The following ALKBH8 variants were observed in gnomAD, a reference collection of about 807,000 sequenced individuals.
ALKBH8 encodes the protein tRNA (carboxymethyluridine(34)-5-O)-methyltransferase ALKBH8.
A neutral mutation model predicts 59.8 loss-of-function variants in ALKBH8; 36 were observed. That is an observed-to-expected ratio of 0.60 (90% confidence interval 0.46 to 0.79). ALKBH8 has a LOEUF of 0.79. Among genes scored for constraint, ALKBH8 ranks in the 30% least tolerant of loss-of-function variants. ALKBH8 has a pLI of 0.00. For synonymous variants in ALKBH8, 276 were observed against 273.6 expected (o/e 1.01, Z -0.09); for missense variants, 768 against 801.0 (o/e 0.96, Z 0.50).
chr11:107,510,248 C>T (rs1488703171), intron 11 of ALKBH8, among the ~76,000 whole-genome samples: 1 of 152,074 alleles, frequency 6.6e-6, no homozygotes, highest in Non-Finnish European at 1.5e-5. Flanking sequence ...TTGCATAAAT[C>T]AAGGGAATGA....
chr11:107,531,541 T>C (rs979593507), intron 8 of ALKBH8, among the ~76,000 whole-genome samples: 8 of 152,192 alleles, frequency 5.3e-5, no homozygotes, highest in Non-Finnish European at 8.8e-5. Context: ...TTAAACATAA[T>C]GTGGGATCAT....
At chr11:107,523,080 C>T (rs1301472555) in intron 9 of ALKBH8, among the ~76,000 whole-genome samples, 1 of 151,496 alleles carries the variant, frequency 6.6e-6, no homozygotes, top group Non-Finnish European at 1.5e-5. Context: ...AAAATAAGTA[C>T]TATCTTATAA....
chr11:107,528,615 G>A (rs2135516220), intron 8 of ALKBH8, among the ~76,000 whole-genome samples: 1 of 152,170 alleles, frequency 6.6e-6, no homozygotes, highest in Non-Finnish European at 1.5e-5. Context: ...TCTCTATTAT[G>A]GTTCTTTTAA....
intron 2 of ALKBH8, 69 bp downstream of exon 2, chr11:107,560,696 A>G: frequency 7.0e-7 from 1 of 1,419,010 alleles, no homozygotes; most frequent in Non-Finnish European, 9.5e-7. Flanking sequence ...AATTATTAGC[A>G]AATATTAATA....
intron 7 of ALKBH8, among the ~76,000 whole-genome samples, chr11:107,536,957 C>T (rs1863842299): frequency 6.6e-6 from 1 of 152,196 alleles, no homozygotes; most frequent in Admixed American, 6.5e-5. Context: ...AATGCACTGG[C>T]TGTGCATCAA....
intron 7 of ALKBH8, among the ~76,000 whole-genome samples, chr11:107,534,969 T>C (rs1863752366): frequency 6.6e-6 from 1 of 152,214 alleles, no homozygotes; most frequent in Non-Finnish European, 1.5e-5. Context: ...TGCATCCTCA[T>C]AGCTTAGCTC....
In ALKBH8 at chr11:107,525,432, T is replaced by C. The variant is rs12574614; in HGVS notation, c.1030+9A>G. ...CCATTTTACAGACGAGATAAGAGTA[T>C]ATACTTACTACAGTTACAAGGTGTT... On this transcript the variant is annotated intron_variant, in intron 9 of 11. Coordinates refer to ENST00000428149, the MANE Select transcript of ALKBH8 (RefSeq NM_138775.3). The C allele has an allele frequency of 0.29, 446,225 of 1,540,458 alleles. 68,065 individuals carry two copies. Among genetic ancestry groups the C allele is most frequent in the East Asian group, 0.49 (19,521 of 39,860 alleles).
At chr11:107,518,555 C>T (rs1862967244) in intron 10 of ALKBH8, among the ~76,000 whole-genome samples, 1 of 152,258 alleles carries the variant, frequency 6.6e-6, no homozygotes, top group African/African-American at 2.4e-5. Context: ...GCAACAAACA[C>T]CTGGCCCGCC....
chr11:107,520,097 T>C (rs754409424), intron 10 of ALKBH8, among the ~76,000 whole-genome samples: 6 of 152,164 alleles, frequency 3.9e-5, no homozygotes, highest in African/African-American at 7.2e-5. Flanking sequence ...GGTTGTCACA[T>C]TCCTCCAAGG....
chr11:107,538,193 C>T (rs1327137588), intron 7 of ALKBH8, among the ~76,000 whole-genome samples: 1 of 150,778 alleles, frequency 6.6e-6, no homozygotes, highest in African/African-American at 2.4e-5. Flanking sequence ...ATCTCTGAAA[C>T]TTATTTTGGC....
At chr11:107,507,028 A>G (rs1032273729) in intron 11 of ALKBH8, among the ~76,000 whole-genome samples, 1 of 152,128 alleles carries the variant, frequency 6.6e-6, no homozygotes, top group African/African-American at 2.4e-5. Flanking sequence ...AAGGTAGACT[A>G]TAATGTCAGA....
At chr11:107,529,512 CT>C (rs1394536291) in intron 8 of ALKBH8, among the ~76,000 whole-genome samples, 17 of 74,762 alleles carry the variant, frequency 2.3e-4, no homozygotes, top group South Asian at 1.7e-3. Flanking sequence ...TCTCCTACTT[CT>C]TTTTTTTTTG....
chr11:107,563,227 A>G (rs1865006154), intron 1 of ALKBH8, among the ~76,000 whole-genome samples: 1 of 152,272 alleles, frequency 6.6e-6, no homozygotes, highest in South Asian at 2.1e-4. Context: ...CTAACATTGC[A>G]TTAATTATAA....
chr11:107,523,423 G>A (rs550716696), intron 9 of ALKBH8, among the ~76,000 whole-genome samples: 1 of 152,066 alleles, frequency 6.6e-6, no homozygotes, highest in Non-Finnish European at 1.5e-5. Flanking sequence ...ACAGAATAGA[G>A]AGTAGTAGAA....
At chr11:107,561,635 A>G (rs1008709169) in intron 1 of ALKBH8, among the ~76,000 whole-genome samples, 2 of 152,344 alleles carry the variant, frequency 1.3e-5, no homozygotes, top group East Asian at 3.9e-4. Flanking sequence ...ATCAGCACCC[A>G]ATATCATGCT....
Position 107,504,783 on chromosome 11 carries a change from G to A in ALKBH8, c.1870C>T (p.His624Tyr). 6.4e-7 allele frequency: 1 copy of A among 1,552,022 alleles called. No homozygotes were observed. The highest frequency in any genetic ancestry group is 8.7e-7 in the Non-Finnish European group (1 of 1,147,040). The change falls in exon 12 of 12, where the codon CAT (histidine) becomes TAT (tyrosine). Residue 624 changes from histidine to tyrosine, a missense_variant. Physicochemically the swap from His to Tyr is moderately conservative, Grantham distance 83. Coordinates refer to ENST00000428149, the MANE Select transcript of ALKBH8 (RefSeq NM_138775.3). ...TCACGGAACACATGGTAGTAACGATGAAACACAGGACTTGGGTCCTGGGAT... is the reference window on the plus strand; with the variant it reads ...TCACGGAACACATGGTAGTAACGATAAAACACAGGACTTGGGTCCTGGGAT... ...IGSQDPSPVF[H>Y]RYYHVFREGE... is the part of the protein sequence containing the mutation.
intron 1 of ALKBH8, among the ~76,000 whole-genome samples, chr11:107,561,941 T>C (rs955258062): frequency 6.6e-6 from 1 of 152,218 alleles, no homozygotes; most frequent in African/African-American, 2.4e-5. Flanking sequence ...AATAAGACTA[T>C]GACACATCTT....
chr11:107,504,383 T>A lies in ALKBH8; in HGVS notation c.*275A>T, dbSNP rs1862287734. ...TATTATCTTCAAAATCCTGGGCTCT[T>A]ACCCAAGAATTACAAACACTGCACA... On this transcript the variant is annotated 3_prime_UTR_variant, in exon 12 of 12. Coordinates refer to ENST00000428149, the MANE Select transcript of ALKBH8 (RefSeq NM_138775.3). 5.1e-6 allele frequency: 3 copies of A among 583,302 alleles called. No individual in the cohort carries two copies. The highest frequency in any genetic ancestry group is 6.6e-5 in the Admixed American group (2 of 30,496). The allele number at this position is 583,302 out of a possible 1,614,324, so 36.1% of individuals were successfully genotyped here.
At chr11:107,556,729 A>G in intron 3 of ALKBH8, 37 bp downstream of exon 3, 2 of 1,293,782 alleles carry the variant, frequency 1.5e-6, no homozygotes, top group Admixed American at 3.0e-5. Flanking sequence ...AAACACCCAG[A>G]AGAATCATTT....
Sources: allele counts gnomAD v4.1 joint callset (sites outside exome capture counted in the v4.1 genomes callset), GRCh38; gene constraint gnomAD v4.1.1; transcripts MANE v1.5; gene names NCBI Gene and HGNC (gene_info 2026-07-23, HGNC 2026-07-21).